The following SCOC variants were observed in gnomAD, a reference collection of about 807,000 sequenced individuals.
SCOC encodes short coiled-coil protein, also known as short coiled coil protein.
In SCOC, 7 loss-of-function variants were observed where a neutral mutation model predicts 9.9. The ratio of observed to expected loss-of-function variants is 0.71; its 90% CI spans 0.40 to 1.33. SCOC has a LOEUF of 1.33. Ranked by LOEUF, SCOC falls within the 40% of genes most tolerant of loss-of-function variation. The pLI, the probability that SCOC is intolerant of heterozygous loss-of-function variation, is 0.01. For synonymous variants in SCOC, 19 were observed against 28.2 expected (o/e 0.67, Z 1.03); for missense variants, 66 against 89.7 (o/e 0.74, Z 1.07).
intron 1 of SCOC, among the ~76,000 whole-genome samples, chr4:140,330,937 C>T (rs564875610): frequency 3.1e-4 from 47 of 152,254 alleles, no homozygotes; most frequent in African/African-American, 1.1e-3. Flanking sequence ...ATGCAGCGTA[C>T]GGCTGGTATA....
intron 1 of SCOC, among the ~76,000 whole-genome samples, chr4:140,295,500 T>A (rs1731597677): frequency 6.6e-6 from 1 of 152,024 alleles, no homozygotes; most frequent in Non-Finnish European, 1.5e-5. Flanking sequence ...AGTAACAGAA[T>A]AAATCCAGGC....
At chr4:140,285,070 T>G (rs1013395607) in intron 1 of SCOC, 1 of 415,948 alleles carries the variant, frequency 2.4e-6, no homozygotes, top group Non-Finnish European at 4.9e-6. Flanking sequence ...CATGCATTAT[T>G]TCCCTCACAA....
At chr4:140,333,916 A>G (rs1732886901) in intron 1 of SCOC, among the ~76,000 whole-genome samples, 1 of 152,070 alleles carries the variant, frequency 6.6e-6, no homozygotes, top group Non-Finnish European at 1.5e-5. Context: ...TTCTCTTACT[A>G]TTATTATTAA....
intron 1 of SCOC, among the ~76,000 whole-genome samples, chr4:140,261,847 G>C (rs1730639950): frequency 6.6e-6 from 1 of 152,134 alleles, no homozygotes; most frequent in Non-Finnish European, 1.5e-5. Context: ...TGACCAGCAA[G>C]GAGTTAGAGA....
At chr4:140,360,637 C>T (rs1727424587) in intron 2 of SCOC, 1 of 152,232 alleles carries the variant, frequency 6.6e-6, no homozygotes, top group African/African-American at 2.4e-5. Context: ...AAATGCAGCA[C>T]AGACATGTCA....
rs1180070876 is a variant in SCOC, at chr4:140,379,026, A to G, written c.-50-95A>G. On this transcript the variant is annotated intron_variant, in intron 1 of 3. Transcript: ENST00000608372. ...CTTAGTAAAGCATATGAAAAGTCCT[A>G]CTATGTCATAGTTAACAAAATCATC... is the stretch of plus-strand genomic sequence containing the variant. The G allele has an allele frequency of 9.4e-5, 72 of 769,454 alleles. 2 individuals are homozygous for G. Among genetic ancestry groups the G allele is most frequent in the South Asian group, 2.5e-4 (17 of 67,000 alleles). 47.7% of individuals were successfully genotyped at this position (769,454 alleles called of 1,614,324 possible). A position where few individuals can be genotyped will look rare whatever the true frequency, so the allele number is the denominator to read the frequency against.
chr4:140,377,106 CCT>C (rs968280844), intron 1 of SCOC, among the ~76,000 whole-genome samples: 3 of 152,184 alleles, frequency 2.0e-5, no homozygotes, highest in African/African-American at 7.2e-5. Context: ...TTGGCTGTTG[CCT>C]CTCTCATCTT....
chr4:140,373,776 A>C, intron 1 of SCOC, 59 bp downstream of exon 1: 1 of 1,478,838 alleles, frequency 6.8e-7, no homozygotes, highest in South Asian at 1.2e-5. Flanking sequence ...CTGCATCCTC[A>C]GTACCTCCGA....
intron 2 of SCOC, chr4:140,366,829 C>T (rs1041749296): frequency 2.5e-5 from 23 of 910,812 alleles, no homozygotes; most frequent in African/African-American, 1.3e-4. Flanking sequence ...GTAGCCCACA[C>T]GGCCAACCTC....
At chr4:140,288,193 TACACC>T (rs1731354567) in intron 1 of SCOC, among the ~76,000 whole-genome samples, 1 of 151,932 alleles carries the variant, frequency 6.6e-6, no homozygotes, top group Non-Finnish European at 1.5e-5. Flanking sequence ...AAAAATGACC[TACACC>T]ACACATCACA....
intron 2 of SCOC, among the ~76,000 whole-genome samples, chr4:140,367,644 C>T (rs1487582480): frequency 6.6e-6 from 1 of 152,168 alleles, no homozygotes; most frequent in East Asian, 1.9e-4. Flanking sequence ...TCCCAAAGTT[C>T]TGGGATTACA....
At chr4:140,282,817 G>A (rs879063097) in intron 1 of SCOC, among the ~76,000 whole-genome samples, 2 of 152,220 alleles carry the variant, frequency 1.3e-5, no homozygotes, top group Admixed American at 1.3e-4. Flanking sequence ...AATCTCTTAA[G>A]CTCCGACTCC....
At chr4:140,343,652 G>A in exon 2 of SCOC, 2 of 1,613,536 alleles carry the variant, frequency 1.2e-6, no homozygotes, top group Non-Finnish European at 1.7e-6. Context: ...GACGGGTCCA[G>A]GAAAGAGGAG....
chr4:140,273,321 T>G (rs1379480460), intron 1 of SCOC, among the ~76,000 whole-genome samples: 1 of 152,252 alleles, frequency 6.6e-6, no homozygotes, highest in Non-Finnish European at 1.5e-5. Flanking sequence ...TTACTCTATA[T>G]CTATGAGACA....
chr4:140,274,040 T>C (rs1047527341), intron 1 of SCOC, among the ~76,000 whole-genome samples: 2 of 152,206 alleles, frequency 1.3e-5, no homozygotes, highest in Non-Finnish European at 2.9e-5. Context: ...GAAAATAGTG[T>C]TTAAAGTGAC....
intron 1 of SCOC, among the ~76,000 whole-genome samples, chr4:140,286,382 CAAAA>C (rs1731269824): frequency 6.6e-6 from 1 of 151,014 alleles, no homozygotes; most frequent in Non-Finnish European, 1.5e-5. Context: ...ACACAAAAAA[CAAAA>C]AACAGAGGGA....
intron 1 of SCOC, among the ~76,000 whole-genome samples, chr4:140,316,358 T>C (rs184513948): frequency 7.2e-4 from 98 of 135,376 alleles, no homozygotes; most frequent in African/African-American, 3.0e-3. Context: ...TAGCCACAGA[T>C]TCACAAACAT....
intron 1 of SCOC, among the ~76,000 whole-genome samples, chr4:140,279,778 C>G (rs913588001): frequency 4.6e-5 from 7 of 152,108 alleles, no homozygotes; most frequent in Admixed American, 4.6e-4. Context: ...CAAGACAGAA[C>G]TTATATTTTT....
At chr4:140,380,893 TA>T in intron 3 of SCOC, 68 bp from the exon 4 acceptor site, 1 of 1,225,906 alleles carries the variant, frequency 8.2e-7, no homozygotes, top group Non-Finnish European at 1.1e-6. Flanking sequence ...GAATGAATCC[TA>T]AGAATTTTGT....
Sources: allele counts gnomAD v4.1 joint callset (sites outside exome capture counted in the v4.1 genomes callset), GRCh38; gene constraint gnomAD v4.1.1; transcripts MANE v1.5; gene names NCBI Gene and HGNC (gene_info 2026-07-23, HGNC 2026-07-21).